Variants in LRRTM3 observed in about 807,000 individuals in gnomAD.
The protein encoded by LRRTM3 is leucine-rich repeat transmembrane neuronal protein 3.
LRRTM3 carries 24 observed loss-of-function variants against 44.7 expected under a neutral mutation model. The observed-to-expected ratio is 0.54, with a 90% confidence interval of 0.39 to 0.76. The LOEUF (loss-of-function observed/expected upper bound fraction) is 0.76. Ranked by LOEUF, LRRTM3 falls within the 30% of genes least tolerant of loss-of-function variation. The probability of loss-of-function intolerance (pLI) is 0.00; values close to 1 mark genes in which losing one functional copy is unlikely to be tolerated. For missense variants in LRRTM3, 587 were observed against 702.2 expected (o/e 0.84, Z 1.85); for synonymous variants, 277 against 278.7 (o/e 0.99, Z 0.06).
intron 2 of LRRTM3, among the ~76,000 whole-genome samples, chr10:67,047,695 C>G (rs1854839553): frequency 6.6e-6 from 1 of 152,048 alleles, no homozygotes. Context: ...TACCCATCAG[C>G]TTTCACATAC....
chr10:67,005,406 T>C (rs1291749948), intron 2 of LRRTM3, among the ~76,000 whole-genome samples: 1 of 152,124 alleles, frequency 6.6e-6, no homozygotes, highest in East Asian at 1.9e-4. Flanking sequence ...TCCTAGTTCA[T>C]TTCCTTCATT....
intron 2 of LRRTM3, among the ~76,000 whole-genome samples, chr10:66,999,409 T>A (rs1564822089): frequency 6.6e-6 from 1 of 152,110 alleles, no homozygotes; most frequent in Non-Finnish European, 1.5e-5. Flanking sequence ...TAGGTAAGCA[T>A]CTAATAATTA....
At chr10:67,067,156 A>C (rs1398164117) in intron 2 of LRRTM3, among the ~76,000 whole-genome samples, 1 of 152,214 alleles carries the variant, frequency 6.6e-6, no homozygotes, top group Non-Finnish European at 1.5e-5. Context: ...ATATGACATA[A>C]GCATGTCATA....
chr10:67,011,716 G>C (rs1462401473), intron 2 of LRRTM3, among the ~76,000 whole-genome samples: 1 of 152,114 alleles, frequency 6.6e-6, no homozygotes, highest in Non-Finnish European at 1.5e-5. Flanking sequence ...ACTTTTCTAA[G>C]CACTTTATAT....
At chr10:67,055,801 G>A (rs892955301) in intron 2 of LRRTM3, among the ~76,000 whole-genome samples, 2 of 152,094 alleles carry the variant, frequency 1.3e-5, no homozygotes, top group African/African-American at 4.8e-5. Flanking sequence ...GATATCAGGG[G>A]TGTCTTAAAT....
At chr10:67,067,371 C>G (rs1218381475) in intron 2 of LRRTM3, among the ~76,000 whole-genome samples, 1 of 152,112 alleles carries the variant, frequency 6.6e-6, no homozygotes, top group Non-Finnish European at 1.5e-5. Flanking sequence ...TAACCCTCCC[C>G]CACCAAAAAT....
chr10:67,055,533 C>T (rs1855369680), intron 2 of LRRTM3, among the ~76,000 whole-genome samples: 1 of 152,088 alleles, frequency 6.6e-6, no homozygotes, highest in South Asian at 2.1e-4. Context: ...GGAGACAATG[C>T]CATTTGCAGG....
Position 67,054,109 on chromosome 10 carries a change from G to A in LRRTM3, c.1537-43478G>A, listed in dbSNP as rs1041772209. Among the ~76,000 whole-genome samples the A allele has an allele frequency of 3.9e-5, 6 of 152,024 alleles. 1 individual carries two copies. In the South Asian group the frequency reaches 6.2e-4, roughly 16 times the overall value. ...AAAAGTAAGCAGCTTAGTATCCATC[G>A]CTCCTTTATAATTCCACATATTCAC... On this transcript the variant is annotated intron_variant, in intron 2 of 2. Transcript: ENST00000361320.
At chr10:67,085,704 T>C (rs1857270465) in intron 2 of LRRTM3, among the ~76,000 whole-genome samples, 1 of 152,022 alleles carries the variant, frequency 6.6e-6, no homozygotes, top group African/African-American at 2.4e-5. Context: ...ATTACAAATG[T>C]AAATACATAG....
chr10:66,946,335 T>C (rs1050349796), intron 2 of LRRTM3, among the ~76,000 whole-genome samples: 2 of 152,154 alleles, frequency 1.3e-5, no homozygotes, highest in African/African-American at 4.8e-5. Context: ...AGCAGCATAA[T>C]TAAGTTAGCA....
At chr10:67,036,711 G>C (rs1854085632) in intron 2 of LRRTM3, among the ~76,000 whole-genome samples, 1 of 152,092 alleles carries the variant, frequency 6.6e-6, no homozygotes, top group Non-Finnish European at 1.5e-5. Flanking sequence ...TCGAGGCTGT[G>C]CCCATTCATT....
chr10:67,099,932 G>A lies in LRRTM3; in HGVS notation c.*2136G>A, dbSNP rs1318441641. 6.6e-6 allele frequency: 1 copy of A among 151,718 alleles called. No individual in the cohort carries two copies. The highest frequency in any genetic ancestry group is 2.4e-5 in the African/African-American group (1 of 41,382). 9.4% of individuals were successfully genotyped at this position (151,718 alleles called of 1,614,324 possible). On this transcript the variant is annotated 3_prime_UTR_variant, in exon 3 of 3. Transcript: ENST00000361320. ...AGGGTTATAAAGCTATGATTCGTGA[G>A]TCTAAAATCAAATGCAAAATTTTAT...
chr10:66,929,317 G>A (rs1847241851), intron 2 of LRRTM3, among the ~76,000 whole-genome samples: 1 of 152,182 alleles, frequency 6.6e-6, no homozygotes, highest in African/African-American at 2.4e-5. Context: ...TAAGGTTCGC[G>A]AATGGGAAAG....
At chr10:67,046,689 CAGG>C (rs573152999) in intron 2 of LRRTM3, among the ~76,000 whole-genome samples, 26 of 152,316 alleles carry the variant, frequency 1.7e-4, no homozygotes, top group East Asian at 9.6e-4. Context: ...TACATTGGCA[CAGG>C]AGAAGATAAA....
intron 2 of LRRTM3, among the ~76,000 whole-genome samples, chr10:66,997,918 T>C (rs1279472936): frequency 6.6e-6 from 1 of 152,170 alleles, no homozygotes; most frequent in Non-Finnish European, 1.5e-5. Flanking sequence ...TCCTCCTGAA[T>C]ATATTGCAAA....
chr10:66,950,271 C>A (rs1001993243), intron 2 of LRRTM3, among the ~76,000 whole-genome samples: 2 of 151,978 alleles, frequency 1.3e-5, no homozygotes, highest in South Asian at 4.2e-4. Flanking sequence ...ACTTCTATAG[C>A]CATTAAAATT....
chr10:66,935,857 T>C (rs1449139515), intron 2 of LRRTM3, among the ~76,000 whole-genome samples: 1 of 149,910 alleles, frequency 6.7e-6, no homozygotes, highest in Non-Finnish European at 1.5e-5. Flanking sequence ...ATTAATCCTA[T>C]ACATTTTCAC....
intron 2 of LRRTM3, among the ~76,000 whole-genome samples, chr10:67,040,586 T>C (rs528192036): frequency 1.3e-5 from 2 of 152,248 alleles, no homozygotes; most frequent in East Asian, 3.9e-4. Context: ...TGGAATTTTT[T>C]TCTAGATGGA....
chr10:67,073,095 A>G (rs566234419), intron 2 of LRRTM3, among the ~76,000 whole-genome samples: 3 of 152,310 alleles, frequency 2.0e-5, no homozygotes, highest in East Asian at 3.9e-4. Flanking sequence ...CCCTCAGGGA[A>G]ATAAATACAT....
Sources: allele counts gnomAD v4.1 joint callset (sites outside exome capture counted in the v4.1 genomes callset), GRCh38; gene constraint gnomAD v4.1.1; transcripts MANE v1.5; gene names NCBI Gene and HGNC (gene_info 2026-07-23, HGNC 2026-07-21).